The following ZFAND4 variants were observed in gnomAD, a reference collection of about 807,000 sequenced individuals.
ZFAND4 encodes zinc finger AN1-type containing 4, also known as AN1-type zinc finger protein 4.
Under a neutral mutation model 64.4 loss-of-function variants are expected in ZFAND4, and 43 were observed. The observed-to-expected ratio is 0.67, with a 90% CI of 0.52 to 0.86. ZFAND4 has a LOEUF of 0.86. ZFAND4 is among the 40% of genes least tolerant of loss of function. ZFAND4 has a pLI of 0.00. For synonymous variants in ZFAND4, 296 were observed against 305.7 expected (o/e 0.97, Z 0.33); for missense variants, 929 against 859.8 (o/e 1.08, Z -1.01).
chr10:45,664,880 G>A (rs1057048291), intron 1 of ZFAND4, among the ~76,000 whole-genome samples: 1 of 151,998 alleles, frequency 6.6e-6, no homozygotes, highest in South Asian at 2.1e-4. Context: ...GCGGTGAGCC[G>A]AGATTGCGCC....
At chr10:45,664,813 C>T (rs1018745008) in intron 1 of ZFAND4, among the ~76,000 whole-genome samples, 6 of 151,992 alleles carry the variant, frequency 3.9e-5, no homozygotes, top group African/African-American at 1.4e-4. Flanking sequence ...TGCCTGTAGT[C>T]CCAGCTACTT....
chr10:45,636,446 A>T (rs760573487), intron 6 of ZFAND4, among the ~76,000 whole-genome samples: 1 of 151,936 alleles, frequency 6.6e-6, no homozygotes, highest in African/African-American at 2.4e-5. Flanking sequence ...GACCAACCTG[A>T]CCAACATGGT....
chr10:45,661,558 T>A (rs1249941127), intron 2 of ZFAND4, among the ~76,000 whole-genome samples: 1 of 152,162 alleles, frequency 6.6e-6, no homozygotes, highest in Non-Finnish European at 1.5e-5. Context: ...GTATTCCATA[T>A]CCCTCTAACT....
At chr10:45,636,328 A>T (rs1158689530) in intron 6 of ZFAND4, among the ~76,000 whole-genome samples, 1 of 152,114 alleles carries the variant, frequency 6.6e-6, no homozygotes, top group Non-Finnish European at 1.5e-5. Flanking sequence ...TATTATTTGG[A>T]ATCTTTTATA....
At chr10:45,619,233 G>T (rs1215034485) in intron 8 of ZFAND4, among the ~76,000 whole-genome samples, 5 of 151,302 alleles carry the variant, frequency 3.3e-5, no homozygotes, top group Admixed American at 2.6e-4. Context: ...TAGAGACGGG[G>T]TTTCACCATC....
chr10:45,658,316 A>G (rs1196073120), intron 2 of ZFAND4, among the ~76,000 whole-genome samples: 1 of 152,202 alleles, frequency 6.6e-6, no homozygotes, highest in African/African-American at 2.4e-5. Flanking sequence ...TGAACTAGAA[A>G]GATTGAAAGC....
In ZFAND4 at chr10:45,671,753, G is replaced by A. The variant is rs377007101; in HGVS notation, c.-118+497C>T. On this transcript the variant is annotated intron_variant, in intron 1 of 9. Coordinates refer to ENST00000344646, the MANE Select transcript of ZFAND4 (RefSeq NM_174890.4). ...TATAAATGACGAGTTAGTCGGTGCAGAAAACCAACATGGCACATGTATAGC... is the reference window on the plus strand; with the variant it reads ...TATAAATGACGAGTTAGTCGGTGCAAAAAACCAACATGGCACATGTATAGC... Among the ~76,000 whole-genome samples, 51 of 151,064 alleles carry A rather than the reference G, an allele frequency of 3.4e-4. No individual in the cohort carries two copies. In the East Asian group the frequency reaches 7.2e-3, roughly 21 times the overall value.
rs1336374285 is a variant in ZFAND4 at position 45,615,975 on chromosome 10, C to G, written c.*461G>C. The G allele has an allele frequency of 1.3e-5, 2 of 152,204 alleles. No individual in the cohort carries two copies. The highest frequency in any genetic ancestry group is 1.3e-4 in the Admixed American group (2 of 15,258). 9.4% of individuals were successfully genotyped at this position (152,204 alleles called of 1,614,324 possible). A position where few individuals can be genotyped will look rare whatever the true frequency, so the allele number is the denominator to read the frequency against. On this transcript the variant is annotated 3_prime_UTR_variant, in exon 10 of 10. Transcript: ENST00000344646. ...ACGTGGGATTTTTAAAAAATCTCCA[C>G]CCATCCCACCTCTGAAAAAAAAAGA...
At chr10:45,661,995 T>C (rs900738563) in intron 2 of ZFAND4, among the ~76,000 whole-genome samples, 44 of 150,692 alleles carry the variant, frequency 2.9e-4, no homozygotes, top group African/African-American at 9.8e-4. Flanking sequence ...GAAAATGCAG[T>C]GAACAAGCCT....
At chr10:45,630,007 G>A (rs2046096536) in intron 6 of ZFAND4, among the ~76,000 whole-genome samples, 1 of 151,998 alleles carries the variant, frequency 6.6e-6, no homozygotes, top group South Asian at 2.1e-4. Context: ...TCACTTCTGT[G>A]TATTAATATA....
chr10:45,624,050 G>A (rs2045619914), intron 8 of ZFAND4, among the ~76,000 whole-genome samples: 1 of 152,082 alleles, frequency 6.6e-6, no homozygotes, highest in East Asian at 1.9e-4. Flanking sequence ...ATAATGACTG[G>A]CCGGTGCATC....
In ZFAND4 at chr10:45,624,650, CA is replaced by C. The variant is rs2045668361; in HGVS notation, c.1873-14del. 2.5e-6 allele frequency: 4 copies of C among 1,610,416 alleles called. No individual in the cohort carries two copies. The South Asian group carries it at 4.4e-5, about 18-fold the overall frequency. On this transcript the variant is annotated splice_polypyrimidine_tract_variant and intron_variant, in intron 7 of 9. Coordinates refer to ENST00000344646, the MANE Select transcript of ZFAND4 (RefSeq NM_174890.4). Reference sequence around the variant, plus strand: ...CACCATGGGTAGACTACAATTAAAACACAAAACATCTATAGAGGTGAGTCAA... The same window carrying C: ...CACCATGGGTAGACTACAATTAAAACCAAAACATCTATAGAGGTGAGTCAA...
In ZFAND4 at chr10:45,626,470, C is replaced by T; in HGVS notation, c.1353G>A (p.Gly451=). The change falls in exon 7 of 10, where the codon GGG becomes GGA. Residue 451 remains glycine, a synonymous_variant. Coordinates refer to ENST00000344646, the MANE Select transcript of ZFAND4 (RefSeq NM_174890.4). ...TAAGAACTGAAGTCTCTACTGATTC[C>T]CCATTCAGCACTCCTGCAACATGCT... ...HLKHVAGVLN[G]ESVETSVLNY... 1.9e-6 allele frequency: 3 copies of T among 1,613,632 alleles called. No individual in the cohort carries two copies. Among genetic ancestry groups the T allele is most frequent in the Non-Finnish European group, 2.5e-6 (3 of 1,180,018 alleles).
At chr10:45,617,195 G>T (rs2045042044) in intron 9 of ZFAND4, among the ~76,000 whole-genome samples, 1 of 151,910 alleles carries the variant, frequency 6.6e-6, no homozygotes, top group African/African-American at 2.4e-5. Context: ...AAACCTAAAA[G>T]AATTCTGAAT....
chr10:45,636,779 G>A (rs548073306), intron 6 of ZFAND4, among the ~76,000 whole-genome samples: 19 of 152,298 alleles, frequency 1.2e-4, no homozygotes, highest in African/African-American at 2.2e-4. Flanking sequence ...GGTCAAGTAG[G>A]TTGATTAGTG....
intron 7 of ZFAND4, among the ~76,000 whole-genome samples, chr10:45,625,460 C>A (rs1589255023): frequency 2.6e-5 from 3 of 116,772 alleles, no homozygotes; most frequent in African/African-American, 3.4e-5. Context: ...GGTGAAAGAG[C>A]GAGACTCCGT....
rs945668296 is a variant in ZFAND4, at chr10:45,615,747, T to G, written c.*689A>C. On this transcript the variant is annotated 3_prime_UTR_variant, in exon 10 of 10. Coordinates refer to ENST00000344646, the MANE Select transcript of ZFAND4 (RefSeq NM_174890.4). ...TAATGGCAAGTGGGACATCTTCTAT[T>G]TTAAAATTAACATTCAAAAAGTAGT... is the stretch of plus-strand genomic sequence containing the variant. 1.3e-5 allele frequency: 2 copies of G among 152,082 alleles called. No homozygotes were observed. Among genetic ancestry groups the G allele is most frequent in the Non-Finnish European group, 2.9e-5 (2 of 68,008 alleles). The allele number at this position is 152,082 out of a possible 1,614,324, so 9.4% of individuals were successfully genotyped here. A position where few individuals can be genotyped will look rare whatever the true frequency, so the allele number is the denominator to read the frequency against.
At chr10:45,670,980 T>A (rs562094546) in intron 1 of ZFAND4, among the ~76,000 whole-genome samples, 42 of 152,154 alleles carry the variant, frequency 2.8e-4, no homozygotes, top group African/African-American at 9.9e-4. Context: ...CTTAGACAAA[T>A]TTTCAAGAAA....
chr10:45,648,686 C>A, intron 4 of ZFAND4, 152 bp from the exon 5 acceptor site: 1 of 900,300 alleles, frequency 1.1e-6, no homozygotes, highest in Non-Finnish European at 1.5e-6. Flanking sequence ...GATCTTTCTA[C>A]AATTAATATA....
Sources: allele counts gnomAD v4.1 joint callset (sites outside exome capture counted in the v4.1 genomes callset), GRCh38; gene constraint gnomAD v4.1.1; transcripts MANE v1.5; gene names NCBI Gene and HGNC (gene_info 2026-07-23, HGNC 2026-07-21).